ZNF723: variants seen among roughly 807,000 people sequenced by gnomAD.
ZNF723 encodes zinc finger protein 723, pseudogene.
A neutral mutation model predicts 9.4 loss-of-function variants in ZNF723; 5 were observed. The ratio of observed to expected loss-of-function variants is 0.53; its 90% CI spans 0.28 to 1.12. The LOEUF (loss-of-function observed/expected upper bound fraction) is 1.12, where lower values mean the gene tolerates loss of function less well. Ranked by LOEUF, ZNF723 falls within the 50% of genes most tolerant of loss-of-function variation. The probability of loss-of-function intolerance (pLI) is 0.10; values close to 1 mark genes in which losing one functional copy is unlikely to be tolerated. For missense variants in ZNF723, 450 were observed against 501.5 expected (o/e 0.90, Z 0.98); for synonymous variants, 158 against 168.8 (o/e 0.94, Z 0.49).
At chr19:22,828,249 A>G (rs1967058120), upstream of ZNF723, among the ~76,000 whole-genome samples, 1 of 152,200 alleles carries the variant, frequency 6.6e-6, no homozygotes, top group African/African-American at 2.4e-5. Context: ...CCTGTGAATA[A>G]CATTATAAGG....
the ZNF723 span, among the ~76,000 whole-genome samples, chr19:22,818,585 C>G: frequency 2.0e-5 from 3 of 152,178 alleles, no homozygotes; most frequent in Admixed American, 2.0e-4. Flanking sequence ...TGTTGATTCT[C>G]ATATCTAAAT....
At chr19:22,822,072 C>T in the ZNF723 span, among the ~76,000 whole-genome samples, 3 of 152,098 alleles carry the variant, frequency 2.0e-5, no homozygotes, top group African/African-American at 7.2e-5. Flanking sequence ...ATCATGCCAT[C>T]GTACTCCAGT....
chr19:22,825,776 A>G, the ZNF723 span, among the ~76,000 whole-genome samples: 3 of 152,192 alleles, frequency 2.0e-5, no homozygotes, highest in African/African-American at 4.8e-5. Flanking sequence ...GCTTCTGCAT[A>G]CAGGGGCATG....
intron 1 of ZNF723, among the ~76,000 whole-genome samples, chr19:22,836,386 A>G (rs373312194): frequency 1.3e-5 from 2 of 152,224 alleles, no homozygotes; most frequent in South Asian, 4.1e-4. Context: ...TATGTAAAAA[A>G]AAATTAAATT....
At chr19:22,828,421 G>A (rs578125283), upstream of ZNF723, among the ~76,000 whole-genome samples, 2 of 152,128 alleles carry the variant, frequency 1.3e-5, no homozygotes, top group Non-Finnish European at 2.9e-5. Flanking sequence ...TTGGGACGCC[G>A]GGGCGGGCAG....
chr19:22,832,188 G>A (rs1219434766), upstream of ZNF723: 1 of 536,062 alleles, frequency 1.9e-6, no homozygotes, highest in African/African-American at 2.0e-5. Flanking sequence ...GGCCTGAATG[G>A]GCGGGGCCTT....
intron 1 of ZNF723, among the ~76,000 whole-genome samples, chr19:22,837,168 CT>C (rs1479180600): frequency 6.6e-6 from 1 of 151,554 alleles, no homozygotes; most frequent in Non-Finnish European, 1.5e-5. Context: ...TGGTGTGTGG[CT>C]GTAATCCCAG....
At chr19:22,820,115 T>A in the ZNF723 span, among the ~76,000 whole-genome samples, 2,070 of 152,204 alleles carry the variant, frequency 0.014, 44 homozygotes, top group African/African-American at 0.048. Flanking sequence ...AGTATTCTGA[T>A]ACATGGCTGG....
chr19:22,854,134 T>G (rs6511385), intron 3 of ZNF723, among the ~76,000 whole-genome samples: 30,715 of 149,772 alleles, frequency 0.21, 3,617 homozygotes, highest in African/African-American at 0.33. Context: ...GCTTTATATA[T>G]TTGAAAGCCA....
chr19:22,855,430 T>C (rs1350051945), intron 3 of ZNF723, among the ~76,000 whole-genome samples: 1 of 152,120 alleles, frequency 6.6e-6, no homozygotes, highest in Non-Finnish European at 1.5e-5. Flanking sequence ...GGTTTTGCCA[T>C]GTTGGCCAGG....
intron 1 of ZNF723, among the ~76,000 whole-genome samples, chr19:22,847,015 G>A (rs1484651635): frequency 6.8e-6 from 1 of 146,804 alleles, no homozygotes; most frequent in East Asian, 2.0e-4. Flanking sequence ...TGATTCACTT[G>A]GATAAGCACT....
chr19:22,842,485 T>C (rs1054723260), intron 1 of ZNF723, among the ~76,000 whole-genome samples: 1 of 152,212 alleles, frequency 6.6e-6, no homozygotes, highest in African/African-American at 2.4e-5. Flanking sequence ...AACAACTTTG[T>C]ATCAGCCATC....
intron 1 of ZNF723, among the ~76,000 whole-genome samples, chr19:22,841,307 TGAATTTAGGA>T (rs1967242721): frequency 6.6e-6 from 1 of 152,198 alleles, no homozygotes; most frequent in Non-Finnish European, 1.5e-5. Context: ...AATTGCCAGG[TGAATTTAGGA>T]TGAACTACAT....
chr19:22,856,868 C>T (rs987106073), intron 3 of ZNF723, among the ~76,000 whole-genome samples: 1 of 152,146 alleles, frequency 6.6e-6, no homozygotes, highest in Non-Finnish European at 1.5e-5. Context: ...TGGGTAGATG[C>T]AATAAACTTT....
intron 3 of ZNF723, among the ~76,000 whole-genome samples, chr19:22,849,694 A>G (rs1967366132): frequency 1.3e-5 from 2 of 152,148 alleles, no homozygotes; most frequent in African/African-American, 4.8e-5. Flanking sequence ...GGATCACCTG[A>G]GGTCAGGAGT....
upstream of ZNF723, among the ~76,000 whole-genome samples, chr19:22,828,572 G>A (rs1261379855): frequency 6.6e-6 from 1 of 152,142 alleles, no homozygotes; most frequent in African/African-American, 2.4e-5. Flanking sequence ...AGAATCGCTT[G>A]AACCCAGGAG....
intron 2 of ZNF723, among the ~76,000 whole-genome samples, chr19:22,848,927 G>T (rs1163143994): frequency 3.3e-5 from 5 of 151,852 alleles, no homozygotes; most frequent in Admixed American, 2.6e-4. Context: ...GCTAATTTTT[G>T]TATTTTTAGT....
chr19:22,817,862 A>C, the ZNF723 span, among the ~76,000 whole-genome samples: 8,429 of 151,608 alleles, frequency 0.056, 729 homozygotes, highest in African/African-American at 0.19. Context: ...GGTGGCATAC[A>C]GTGTCATCAC....
intron 1 of ZNF723, among the ~76,000 whole-genome samples, chr19:22,834,318 C>T (rs1262218127): frequency 6.6e-6 from 1 of 151,710 alleles, no homozygotes; most frequent in Non-Finnish European, 1.5e-5. Context: ...AAGTCTTTTC[C>T]TTTAGAAGAA....
Sources: allele counts gnomAD v4.1 joint callset (sites outside exome capture counted in the v4.1 genomes callset), GRCh38; gene constraint gnomAD v4.1.1; transcripts MANE v1.5; gene names NCBI Gene and HGNC (gene_info 2026-07-23, HGNC 2026-07-21).